The following CALCR variants were observed in gnomAD, a reference collection of about 807,000 sequenced individuals.
CALCR encodes the protein calcitonin receptor.
Under a neutral mutation model 59.5 loss-of-function variants are expected in CALCR, and 47 were observed. The observed-to-expected ratio is 0.79, with a 90% CI of 0.63 to 1.01. The LOEUF is 1.01. CALCR is among the 50% of genes least tolerant of loss of function. The probability of loss-of-function intolerance (pLI) is 0.00; values close to 1 mark genes in which losing one functional copy is unlikely to be tolerated. For missense variants in CALCR, 566 were observed against 597.1 expected (o/e 0.95, Z 0.54); for synonymous variants, 213 against 211.3 (o/e 1.01, Z -0.07).
chr7:93,550,157 T>C (rs976202401), intron 2 of CALCR, among the ~76,000 whole-genome samples: 24 of 152,142 alleles, frequency 1.6e-4, no homozygotes, highest in Middle Eastern at 3.2e-3. Flanking sequence ...TCTATGTATA[T>C]GGTTTTGTTT....
chr7:93,472,913 T>A (rs1208337766), intron 5 of CALCR, among the ~76,000 whole-genome samples: 1 of 151,804 alleles, frequency 6.6e-6, no homozygotes, highest in Admixed American at 6.6e-5. Context: ...TTTCTTTATT[T>A]ACTTGCAATG....
intron 8 of CALCR, among the ~76,000 whole-genome samples, chr7:93,449,951 G>T (rs1272486501): frequency 1.3e-5 from 2 of 151,960 alleles, no homozygotes; most frequent in Non-Finnish European, 2.9e-5. Flanking sequence ...GGTCAAACAG[G>T]TGTTTCCCTT....
intron 9 of CALCR, 53 bp from the exon 10 acceptor site, chr7:93,438,323 A>AAGGTTAT: frequency 7.5e-7 from 1 of 1,335,052 alleles, no homozygotes. Context: ...ATAACCTTTA[A>AAGGTTAT]GTACAGCTGC....
intron 2 of CALCR, among the ~76,000 whole-genome samples, chr7:93,531,641 T>C (rs531565113): frequency 2.8e-4 from 43 of 152,256 alleles, no homozygotes; most frequent in Middle Eastern, 6.8e-3. Flanking sequence ...CTTACAATTA[T>C]ATTTACATTC....
Position 93,460,832 on chromosome 7 carries a change from G to T in CALCR, c.637C>A (p.Arg213=), listed in dbSNP as rs376632735. ...VEVVPNGELV[R]RDPVSCKILH... ...TATGCAGTACTTACCGGGTCCCTTC[G>T]CACGAGCTCTCCATTGGGTACTACT... The change falls in exon 8 of 14, where the codon CGA becomes AGA. Residue 213 remains arginine (R), a synonymous_variant. Coordinates refer to ENST00000426151, the MANE Select transcript of CALCR (RefSeq NM_001742.4). 6.2e-6 allele frequency: 10 copies of T among 1,605,974 alleles called. No homozygotes were observed. The highest frequency in any genetic ancestry group is 2.2e-5 in the East Asian group (1 of 44,568).
chr7:93,439,710 C>T (rs996901562), intron 9 of CALCR, among the ~76,000 whole-genome samples: 48 of 152,046 alleles, frequency 3.2e-4, no homozygotes, highest in African/African-American at 1.0e-3. Context: ...GTGTAGGATT[C>T]ATTTTTTAAG....
chr7:93,500,030 A>G (rs1435953507), intron 2 of CALCR, among the ~76,000 whole-genome samples: 1 of 151,912 alleles, frequency 6.6e-6, no homozygotes, highest in African/African-American at 2.4e-5. Context: ...AAGGGATCTT[A>G]GAATTCAAAT....
At chr7:93,506,250 G>T (rs1273574794) in intron 2 of CALCR, among the ~76,000 whole-genome samples, 1 of 152,156 alleles carries the variant, frequency 6.6e-6, no homozygotes. Context: ...CAATATGTCT[G>T]ATGCAGATGG....
intron 2 of CALCR, among the ~76,000 whole-genome samples, chr7:93,572,813 T>G (rs1790037999): frequency 6.6e-6 from 1 of 152,194 alleles, no homozygotes; most frequent in South Asian, 2.1e-4. Flanking sequence ...AACTCCAAGA[T>G]TATCTATGTG....
intron 2 of CALCR, among the ~76,000 whole-genome samples, chr7:93,524,060 T>C (rs1218755244): frequency 6.6e-6 from 1 of 152,098 alleles, no homozygotes; most frequent in African/African-American, 2.4e-5. Flanking sequence ...ATATTAGTAG[T>C]AATGTTACTC....
intron 13 of CALCR, among the ~76,000 whole-genome samples, chr7:93,429,365 A>G (rs1020832542): frequency 6.6e-6 from 1 of 152,226 alleles, no homozygotes; most frequent in African/African-American, 2.4e-5. Context: ...AAATGTTTTC[A>G]GTTGTAAGTG....
intron 2 of CALCR, among the ~76,000 whole-genome samples, chr7:93,514,958 C>A (rs1388978238): frequency 1.3e-5 from 2 of 151,892 alleles, no homozygotes; most frequent in Non-Finnish European, 2.9e-5. Flanking sequence ...GAAACTGTAC[C>A]ACTCACTTAA....
In CALCR at chr7:93,426,320, T is replaced by C; in HGVS notation, c.*36A>G. 1 of 1,153,438 alleles carries C rather than the reference T, an allele frequency of 8.7e-7. No homozygotes were observed. Among genetic ancestry groups the C allele is most frequent in the Non-Finnish European group, 1.3e-6 (1 of 761,694 alleles). The allele number at this position is 1,153,438 out of a possible 1,614,324, so 71.5% of individuals were successfully genotyped here. A position where few individuals can be genotyped will look rare whatever the true frequency, so the allele number is the denominator to read the frequency against. ...GCATGGTCTTTCTCCCAGGAAATGA[T>C]GGCTCAGTGATCACGATGCTGTGTT... On this transcript the variant is annotated 3_prime_UTR_variant, in exon 14 of 14. Transcript: ENST00000426151.
chr7:93,500,199 T>C (rs1412770945), intron 2 of CALCR, among the ~76,000 whole-genome samples: 1 of 151,926 alleles, frequency 6.6e-6, no homozygotes, highest in Non-Finnish European at 1.5e-5. Flanking sequence ...GCATTAAAGA[T>C]TTTTCCTAGT....
intron 2 of CALCR, among the ~76,000 whole-genome samples, chr7:93,510,859 CT>C (rs1801531024): frequency 6.6e-6 from 1 of 152,006 alleles, no homozygotes; most frequent in Non-Finnish European, 1.5e-5. Context: ...AGAGCGAGAC[CT>C]TGTCTCTACA....
At chr7:93,566,935 GT>G (rs1345370952) in intron 2 of CALCR, among the ~76,000 whole-genome samples, 1 of 152,102 alleles carries the variant, frequency 6.6e-6, no homozygotes, top group Non-Finnish European at 1.5e-5. Context: ...AAGGAAAAAT[GT>G]TTAGTTTAGT....
intron 5 of CALCR, among the ~76,000 whole-genome samples, chr7:93,477,167 C>G (rs539730110): frequency 6.6e-6 from 1 of 151,882 alleles, no homozygotes; most frequent in Admixed American, 6.6e-5. Flanking sequence ...TTAACAGGGA[C>G]CTATATGTTG....
At chr7:93,447,886 A>G (rs1800035981) in intron 8 of CALCR, among the ~76,000 whole-genome samples, 1 of 151,964 alleles carries the variant, frequency 6.6e-6, no homozygotes, top group African/African-American at 2.4e-5. Flanking sequence ...GAAACCATAG[A>G]GTAGGAAAAT....
chr7:93,453,060 C>T (rs930479472), intron 8 of CALCR, among the ~76,000 whole-genome samples: 7 of 151,846 alleles, frequency 4.6e-5, no homozygotes, highest in African/African-American at 1.5e-4. Context: ...ATGCTTAGTC[C>T]CTTTTAGATT....
Sources: gnomAD v4.1 joint callset for allele counts (sites outside exome capture counted in the v4.1 genomes callset) on GRCh38, gnomAD v4.1.1 for gene constraint, MANE v1.5 for transcripts, NCBI Gene and HGNC (gene_info 2026-07-23, HGNC 2026-07-21) for gene names.